Variants in SUZ12 observed in about 807,000 individuals in gnomAD.
SUZ12 encodes the protein SUZ12 polycomb repressive complex 2 subunit, also known as polycomb protein SUZ12.
A neutral mutation model predicts 87.3 loss-of-function variants in SUZ12; 17 were observed. That is an observed-to-expected ratio of 0.19 (90% CI 0.13 to 0.29). The LOEUF is 0.29. Among genes scored for constraint, SUZ12 ranks in the 10% least tolerant of loss-of-function variants. SUZ12 has a pLI of 1.00. For missense variants in SUZ12, 526 were observed against 912.2 expected, an observed-to-expected ratio of 0.58 and a Z score of 5.45; for synonymous variants, 253 against 312.4, an observed-to-expected ratio of 0.81 and a Z score of 2.01.
intron 1 of SUZ12, among the ~76,000 whole-genome samples, chr17:31,939,844 T>A (rs1906167177): frequency 6.6e-6 from 1 of 152,178 alleles, no homozygotes; most frequent in Non-Finnish European, 1.5e-5. Context: ...ACAGATTTTT[T>A]AAGTGACCAT....
chr17:31,984,870 T>C (rs1422115345), intron 9 of SUZ12, among the ~76,000 whole-genome samples: 3 of 152,002 alleles, frequency 2.0e-5, no homozygotes, highest in Non-Finnish European at 2.9e-5. Flanking sequence ...TAACAGTAAG[T>C]TGGGGCCGGG....
intron 10 of SUZ12, among the ~76,000 whole-genome samples, chr17:31,988,796 C>T (rs1007300628): frequency 7.9e-5 from 12 of 151,672 alleles, no homozygotes; most frequent in Non-Finnish European, 1.0e-4. Flanking sequence ...GTTGGCCGAG[C>T]GCAGTGGCTC....
At position 31,956,543 on chromosome 17, in the gene SUZ12, T is replaced by C. The variant is rs553654505; in HGVS notation, c.455+8858T>C. 3.0e-4 allele frequency among the ~76,000 whole-genome samples: 45 copies of C among 152,270 alleles called. 1 individual carries two copies. The highest frequency in any genetic ancestry group is 8.3e-4 in the South Asian group (4 of 4,822). On this transcript the variant is annotated intron_variant, in intron 4 of 15. Transcript: ENST00000322652. ...TGCATTGTTCTGTTTCTTCTAACAT[T>C]AGACCAGTAGTACATATGATGGTTA...
chr17:31,970,610 C>G (rs562253487), intron 5 of SUZ12, among the ~76,000 whole-genome samples: 1 of 151,524 alleles, frequency 6.6e-6, no homozygotes, highest in Admixed American at 6.6e-5. Flanking sequence ...CCTGGACAAC[C>G]GAGTGAGGCT....
Position 31,937,143 on chromosome 17 carries a change from C to T in SUZ12, c.-104C>T. The T allele has an allele frequency of 9.7e-7, 1 of 1,028,108 alleles. No homozygotes were observed. The highest frequency in any genetic ancestry group is 2.4e-5 in the South Asian group (1 of 41,668). The allele number at this position is 1,028,108 out of a possible 1,614,324, so 63.7% of individuals were successfully genotyped here. On this transcript the variant is annotated 5_prime_UTR_variant, in exon 1 of 16. Coordinates refer to ENST00000322652, the MANE Select transcript of SUZ12 (RefSeq NM_015355.4). ...TCCTCCCCTCTCTCCTCCTTCCCCC[C>T]TCGGTCCGCCGGAGCCTGCTGGGGC... is the stretch of plus-strand genomic sequence containing the variant.
chr17:31,950,411 A>T (rs941745316), intron 4 of SUZ12, among the ~76,000 whole-genome samples: 1 of 152,204 alleles, frequency 6.6e-6, no homozygotes, highest in Non-Finnish European at 1.5e-5. Context: ...CAGGCCGGGC[A>T]TAGTGGCTCA....
intron 4 of SUZ12, among the ~76,000 whole-genome samples, chr17:31,950,233 T>A (rs1906880989): frequency 6.6e-6 from 1 of 152,202 alleles, no homozygotes; most frequent in Non-Finnish European, 1.5e-5. Flanking sequence ...CATGAGCCAC[T>A]GCGCCCAGCC....
intron 5 of SUZ12, chr17:31,967,090 T>A (rs1018992299): frequency 2.6e-5 from 4 of 151,868 alleles, no homozygotes; most frequent in African/African-American, 9.7e-5. Context: ...TCCCAGTTAC[T>A]TGGGAGACTT....
At position 31,937,152 on chromosome 17, in the gene SUZ12, C is replaced by T; in HGVS notation, c.-95C>T. 1 of 1,132,604 alleles carries T rather than the reference C, an allele frequency of 8.8e-7. No individual in the cohort carries two copies. The highest frequency in any genetic ancestry group is 2.2e-5 in the South Asian group (1 of 44,632). The allele number at this position is 1,132,604 out of a possible 1,614,324, so 70.2% of individuals were successfully genotyped here. On this transcript the variant is annotated 5_prime_UTR_variant, in exon 1 of 16. Transcript: ENST00000322652. ...CTCTCCTCCTTCCCCCCTCGGTCCG[C>T]CGGAGCCTGCTGGGGCGAGCGGTTG...
chr17:31,983,882 ACT>A (rs527712616), intron 9 of SUZ12, among the ~76,000 whole-genome samples: 48 of 152,276 alleles, frequency 3.2e-4, no homozygotes, highest in African/African-American at 8.7e-4. Context: ...ACTTAAGATA[ACT>A]CTTTTAAGAG....
intron 10 of SUZ12, among the ~76,000 whole-genome samples, chr17:31,991,903 A>C (rs895468582): frequency 2.6e-5 from 4 of 151,978 alleles, no homozygotes; most frequent in Non-Finnish European, 5.9e-5. Flanking sequence ...CCCAGCCTGA[A>C]ATAATTTTAA....
chr17:31,960,503 C>A (rs1389779095), intron 4 of SUZ12, among the ~76,000 whole-genome samples: 1 of 151,996 alleles, frequency 6.6e-6, no homozygotes, highest in African/African-American at 2.4e-5. Flanking sequence ...GCCACTGCGC[C>A]CAGCCAGAGT....
chr17:31,989,746 C>A (rs537509091), intron 10 of SUZ12, among the ~76,000 whole-genome samples: 1 of 151,270 alleles, frequency 6.6e-6, no homozygotes, highest in South Asian at 2.1e-4. Flanking sequence ...TTACAGGCGC[C>A]TGCCACCACG....
chr17:31,979,531 T>C (rs559604533), intron 8 of SUZ12, among the ~76,000 whole-genome samples: 4 of 152,318 alleles, frequency 2.6e-5, no homozygotes, highest in African/African-American at 9.6e-5. Flanking sequence ...GTGACATTTT[T>C]CCCCCAGTAT....
At chr17:31,955,406 C>T (rs1277196326) in intron 4 of SUZ12, among the ~76,000 whole-genome samples, 1 of 152,024 alleles carries the variant, frequency 6.6e-6, no homozygotes, top group Non-Finnish European at 1.5e-5. Flanking sequence ...CTCAGCCTAC[C>T]GAATAGCCTA....
chr17:31,942,768 T>G (rs1038826676), intron 3 of SUZ12, among the ~76,000 whole-genome samples: 7 of 152,240 alleles, frequency 4.6e-5, no homozygotes, highest in African/African-American at 1.7e-4. Flanking sequence ...ATTTTTGCTG[T>G]GTAACATTTA....
intron 9 of SUZ12, among the ~76,000 whole-genome samples, chr17:31,983,363 C>T (rs490255): frequency 0.18 from 27,393 of 150,258 alleles, 3,132 homozygotes; most frequent in Non-Finnish European, 0.26. Flanking sequence ...GCAACCTCCA[C>T]CTCCCGGGTT....
chr17:31,985,133 G>A (rs1398661989), intron 9 of SUZ12, among the ~76,000 whole-genome samples: 4 of 141,750 alleles, frequency 2.8e-5, no homozygotes, highest in East Asian at 2.0e-4. Flanking sequence ...CACTTTATCC[G>A]GGGAAACAGA....
chr17:31,997,926 T>C (rs1910065982), intron 15 of SUZ12, among the ~76,000 whole-genome samples: 1 of 152,122 alleles, frequency 6.6e-6, no homozygotes, highest in Non-Finnish European at 1.5e-5. Flanking sequence ...TTTTTGTTTC[T>C]TATTCCTTTG....
Sources: allele counts gnomAD v4.1 joint callset (sites outside exome capture counted in the v4.1 genomes callset), GRCh38; gene constraint gnomAD v4.1.1; transcripts MANE v1.5; gene names NCBI Gene and HGNC (gene_info 2026-07-23, HGNC 2026-07-21).